CTNNA3: variants seen among roughly 807,000 people sequenced by gnomAD.
The protein encoded by CTNNA3 is catenin alpha-3.
A neutral mutation model predicts 95.7 loss-of-function variants in CTNNA3; 76 were observed. The ratio of observed to expected loss-of-function variants is 0.79; its 90% CI spans 0.66 to 0.96. CTNNA3 has a LOEUF of 0.96. Ranked by LOEUF, CTNNA3 falls within the 40% of genes least tolerant of loss-of-function variation. CTNNA3 has a pLI of 0.00. For synonymous variants in CTNNA3, 431 were observed against 374.4 expected (o/e 1.15, Z -1.74); for missense variants, 1,191 against 1,089.8 (o/e 1.09, Z -1.31).
intron 1 of CTNNA3, among the ~76,000 whole-genome samples, chr10:67,723,976 C>T (rs776721343): frequency 3.9e-4 from 59 of 152,282 alleles, no homozygotes; most frequent in Non-Finnish European, 6.8e-4. Context: ...CAAACAATTG[C>T]TCCTTCCAGT....
chr10:66,879,361 C>T (rs775484161), intron 7 of CTNNA3, among the ~76,000 whole-genome samples: 15 of 152,076 alleles, frequency 9.9e-5, no homozygotes, highest in Non-Finnish European at 1.0e-4. Flanking sequence ...GACTTCTAAG[C>T]CACAGACCTC....
intron 7 of CTNNA3, among the ~76,000 whole-genome samples, chr10:66,914,376 C>T (rs574697136): frequency 2.1e-4 from 32 of 152,080 alleles, no homozygotes; most frequent in African/African-American, 7.2e-4. Context: ...ATGATCTGCC[C>T]TCCGGCAGGG....
intron 9 of CTNNA3, among the ~76,000 whole-genome samples, chr10:66,668,886 T>A (rs1227332257): frequency 6.6e-6 from 1 of 152,090 alleles, no homozygotes; most frequent in East Asian, 1.9e-4. Context: ...AGTTCCCAAA[T>A]TAGACATTTT....
chr10:66,656,280 C>T (rs1248405023), intron 9 of CTNNA3, among the ~76,000 whole-genome samples: 8 of 151,986 alleles, frequency 5.3e-5, no homozygotes, highest in East Asian at 3.9e-4. Context: ...CAGCAAATAA[C>T]GATTGCTTCA....
intron 5 of CTNNA3, among the ~76,000 whole-genome samples, chr10:67,434,270 T>C (rs1450665962): frequency 6.6e-6 from 1 of 152,038 alleles, no homozygotes; most frequent in Non-Finnish European, 1.5e-5. Flanking sequence ...CATCTCAATG[T>C]CCTCATTTGA....
At chr10:67,428,053 G>A (rs1845981788) in intron 5 of CTNNA3, among the ~76,000 whole-genome samples, 1 of 151,990 alleles carries the variant, frequency 6.6e-6, no homozygotes, top group African/African-American at 2.4e-5. Context: ...TTGAGAACAA[G>A]GGTTAAGAGG....
intron 12 of CTNNA3, among the ~76,000 whole-genome samples, chr10:66,309,935 AAAT>A (rs2091992336): frequency 2.1e-5 from 3 of 144,328 alleles, no homozygotes; most frequent in Non-Finnish European, 3.0e-5. Context: ...ATAAATAAAT[AAAT>A]AAATAAATAA....
intron 10 of CTNNA3, among the ~76,000 whole-genome samples, chr10:66,586,843 G>A (rs553703792): frequency 2.4e-4 from 37 of 152,198 alleles, no homozygotes; most frequent in Middle Eastern, 6.8e-3. Context: ...CAAGGCCCAT[G>A]GTCTGCTTTC....
At chr10:67,672,354 T>A (rs1194154188) in intron 1 of CTNNA3, among the ~76,000 whole-genome samples, 2 of 152,214 alleles carry the variant, frequency 1.3e-5, no homozygotes, top group Non-Finnish European at 2.9e-5. Context: ...GCAGAAGCTC[T>A]TGAGTTTAAT....
intron 10 of CTNNA3, among the ~76,000 whole-genome samples, chr10:66,540,480 A>G (rs1401334337): frequency 6.6e-6 from 1 of 152,148 alleles, no homozygotes; most frequent in Non-Finnish European, 1.5e-5. Context: ...ACAGAAAAGA[A>G]ACAAAACAGT....
chr10:65,979,478 A>G (rs1006877365), intron 16 of CTNNA3, among the ~76,000 whole-genome samples: 7 of 152,110 alleles, frequency 4.6e-5, no homozygotes, highest in Non-Finnish European at 1.0e-4. Flanking sequence ...TATCCTGTAC[A>G]TAAAATAAGG....
intron 11 of CTNNA3, among the ~76,000 whole-genome samples, chr10:66,395,158 C>A (rs1364999692): frequency 6.6e-6 from 1 of 152,046 alleles, no homozygotes; most frequent in Non-Finnish European, 1.5e-5. Context: ...GGGAAGTTCA[C>A]TTTCCTAGTC....
chr10:67,694,338 G>A (rs1840923971), intron 1 of CTNNA3, among the ~76,000 whole-genome samples: 1 of 151,834 alleles, frequency 6.6e-6, no homozygotes. Context: ...ACAATGTTTT[G>A]CACATCATAG....
At chr10:66,800,244 T>A (rs10762107) in intron 7 of CTNNA3, among the ~76,000 whole-genome samples, 128,957 of 151,072 alleles carry the variant, frequency 0.85, 55,586 homozygotes, top group East Asian at 1. Context: ...TTATATATAC[T>A]ACACTAATAA....
chr10:67,244,788 G>T (rs573539152), intron 5 of CTNNA3, among the ~76,000 whole-genome samples: 102 of 152,246 alleles, frequency 6.7e-4, no homozygotes, highest in African/African-American at 2.3e-3. Context: ...CGGTATGAAA[G>T]TCAGTTGGCT....
At chr10:67,421,833 C>T (rs568462266) in intron 5 of CTNNA3, among the ~76,000 whole-genome samples, 1 of 151,974 alleles carries the variant, frequency 6.6e-6, no homozygotes, top group Non-Finnish European at 1.5e-5. Flanking sequence ...CTGATATAAA[C>T]AAACAAATGG....
At chr10:66,439,914 GAATT>G (rs1374871994) in intron 11 of CTNNA3, among the ~76,000 whole-genome samples, 1 of 152,044 alleles carries the variant, frequency 6.6e-6, no homozygotes, top group Non-Finnish European at 1.5e-5. Flanking sequence ...ACTGAAATAA[GAATT>G]AATATTCTTC....
intron 7 of CTNNA3, among the ~76,000 whole-genome samples, chr10:66,848,872 C>T (rs774150253): frequency 6.6e-6 from 1 of 152,104 alleles, no homozygotes; most frequent in African/African-American, 2.4e-5. Context: ...TAGAGTTCCA[C>T]AGAATTATTT....
intron 13 of CTNNA3, among the ~76,000 whole-genome samples, chr10:66,108,349 T>G (rs1465843064): frequency 6.6e-6 from 1 of 152,070 alleles, no homozygotes; most frequent in Non-Finnish European, 1.5e-5. Flanking sequence ...CTGACCCCTT[T>G]TCTCCTCCTC....
Sources: gnomAD v4.1 joint callset for allele counts (sites outside exome capture counted in the v4.1 genomes callset) on GRCh38, gnomAD v4.1.1 for gene constraint, MANE v1.5 for transcripts, NCBI Gene and HGNC (gene_info 2026-07-23, HGNC 2026-07-21) for gene names.